Variants in UHRF2 observed in about 807,000 individuals in gnomAD.
The protein encoded by UHRF2 is ubiquitin like with PHD and ring finger domains 2, also known as E3 ubiquitin-protein ligase UHRF2.
UHRF2 carries 23 observed loss-of-function variants against 96.8 expected under a neutral mutation model. The ratio of observed to expected loss-of-function variants is 0.24; its 90% CI spans 0.17 to 0.34. The LOEUF is 0.34. Ranked by LOEUF, UHRF2 falls within the 10% of genes least tolerant of loss-of-function variation. The pLI, the probability that UHRF2 is intolerant of heterozygous loss-of-function variation, is 1.00. For synonymous variants in UHRF2, 385 were observed against 332.6 expected, an observed-to-expected ratio of 1.16 and a Z score of -1.72; for missense variants, 685 against 981.5, an observed-to-expected ratio of 0.70 and a Z score of 4.04.
intron 14 of UHRF2, among the ~76,000 whole-genome samples, chr9:6,501,888 T>G (rs1348346872): frequency 3.3e-5 from 5 of 152,284 alleles, no homozygotes; most frequent in South Asian, 4.1e-4. Context: ...CCACTGTAGG[T>G]GGGAGAGAAG....
intron 14 of UHRF2, 56 bp from the exon 15 acceptor site, chr9:6,504,537 A>T: frequency 1.7e-6 from 2 of 1,168,130 alleles, no homozygotes; most frequent in Non-Finnish European, 2.5e-6. Context: ...GATGAATTTT[A>T]TTAGCATATT....
chr9:6,442,009 A>G (rs1267123268), intron 3 of UHRF2, among the ~76,000 whole-genome samples: 5 of 152,198 alleles, frequency 3.3e-5, no homozygotes, highest in East Asian at 1.9e-4. Context: ...TCTGTTGCCC[A>G]GGCTGGAGTC....
At chr9:6,469,182 G>C (rs1037929741) in intron 4 of UHRF2, among the ~76,000 whole-genome samples, 9 of 152,176 alleles carry the variant, frequency 5.9e-5, no homozygotes, top group African/African-American at 1.4e-4. Context: ...GGAGATTCTA[G>C]AACTGAGAAT....
intron 3 of UHRF2, among the ~76,000 whole-genome samples, chr9:6,448,463 A>T (rs547254203): frequency 1.3e-5 from 2 of 152,358 alleles, no homozygotes; most frequent in East Asian, 3.9e-4. Flanking sequence ...GAGCCAGGTG[A>T]TCAGTTTGAA....
rs180673166 is a variant in UHRF2, at chr9:6,416,874, C to G, written c.153+3231C>G. On this transcript the variant is annotated intron_variant, in intron 1 of 15. Coordinates refer to ENST00000276893, the MANE Select transcript of UHRF2 (RefSeq NM_152896.3). ...CTTTTCCTATTTTAAAGGATTCTCT[C>G]TCGTCATTCTTTCACTCCTTACCAC... 1.1e-3 allele frequency among the ~76,000 whole-genome samples: 164 copies of G among 152,294 alleles called. 2 individuals are homozygous for G. Among genetic ancestry groups the G allele is most frequent in the African/African-American group, 3.5e-3 (145 of 41,568 alleles).
intron 3 of UHRF2, among the ~76,000 whole-genome samples, chr9:6,455,321 A>G (rs184022355): frequency 4.6e-5 from 7 of 152,084 alleles, no homozygotes; most frequent in Admixed American, 4.6e-4. Flanking sequence ...CGGGTGTGCG[A>G]TGTTCCCCTT....
intron 3 of UHRF2, among the ~76,000 whole-genome samples, chr9:6,442,056 C>T (rs1295301979): frequency 6.6e-6 from 1 of 152,114 alleles, no homozygotes; most frequent in South Asian, 2.1e-4. Context: ...ACCTCTGCCT[C>T]CTGGGTTCAA....
intron 3 of UHRF2, among the ~76,000 whole-genome samples, chr9:6,457,002 G>A (rs906573019): frequency 4.6e-5 from 7 of 152,114 alleles, no homozygotes; most frequent in Admixed American, 3.9e-4. Context: ...CTCTTTTTTA[G>A]TTCCATATGA....
At chr9:6,428,998 C>G (rs1024117388) in intron 2 of UHRF2, among the ~76,000 whole-genome samples, 10 of 152,150 alleles carry the variant, frequency 6.6e-5, no homozygotes, top group Non-Finnish European at 1.3e-4. Flanking sequence ...AACCCCATCT[C>G]TGCTAAAAAT....
At chr9:6,430,860 ATTC>A (rs1332015448) in intron 2 of UHRF2, among the ~76,000 whole-genome samples, 1 of 152,092 alleles carries the variant, frequency 6.6e-6, no homozygotes, top group Non-Finnish European at 1.5e-5. Context: ...GGAATGAGTA[ATTC>A]TTCTTTCAGT....
intron 3 of UHRF2, among the ~76,000 whole-genome samples, chr9:6,445,130 T>TA (rs34294660): frequency 0.43 from 48,514 of 114,138 alleles, 11,204 homozygotes; most frequent in African/African-American, 0.61. Flanking sequence ...ATCTCTTATT[T>TA]AAAAAAAAAA....
intron 10 of UHRF2, chr9:6,496,925 T>G (rs1291733203): frequency 1.7e-5 from 5 of 286,376 alleles, no homozygotes; most frequent in Non-Finnish European, 2.6e-5. Context: ...CTAGTTGTTT[T>G]CTATTATACG....
intron 9 of UHRF2, chr9:6,492,431 G>C (rs1222275761): frequency 1.1e-6 from 1 of 892,254 alleles, no homozygotes; most frequent in Non-Finnish European, 1.4e-6. Context: ...CCTTCTCATA[G>C]AATACATACT....
chr9:6,503,321 AT>A (rs1445896805), intron 14 of UHRF2, among the ~76,000 whole-genome samples: 3 of 152,292 alleles, frequency 2.0e-5, no homozygotes, highest in Admixed American at 2.0e-4. Flanking sequence ...AATATAAAAA[AT>A]AAATATGAAA....
intron 3 of UHRF2, chr9:6,449,609 A>G (rs1821731748): frequency 1.3e-5 from 2 of 152,246 alleles, no homozygotes; most frequent in African/African-American, 4.8e-5. Flanking sequence ...TAAAATGGTC[A>G]GCTTATATGG....
At chr9:6,438,208 C>T (rs757200420) in intron 3 of UHRF2, among the ~76,000 whole-genome samples, 2 of 152,128 alleles carry the variant, frequency 1.3e-5, no homozygotes, top group African/African-American at 2.4e-5. Context: ...CCTAAACTTC[C>T]TACCAGTCAA....
intron 4 of UHRF2, among the ~76,000 whole-genome samples, chr9:6,462,051 T>A (rs1228448029): frequency 6.6e-6 from 1 of 151,996 alleles, no homozygotes; most frequent in African/African-American, 2.4e-5. Context: ...CAAGTTCTGA[T>A]TAACTGGATT....
Position 6,460,570 on chromosome 9 carries a change from C to T in UHRF2, c.645-3C>T, listed in dbSNP as rs763262758. ...TAAGCCATATGGTTTTCTCTCTCCT[C>T]AGATACCCAGAAAGCGGTACTCTAG... On this transcript the variant is annotated splice_region_variant and splice_polypyrimidine_tract_variant and intron_variant, in intron 3 of 15. Coordinates refer to ENST00000276893, the MANE Select transcript of UHRF2 (RefSeq NM_152896.3). 1.4e-5 allele frequency: 23 copies of T among 1,595,892 alleles called. No individual in the cohort carries two copies. The South Asian group carries it at 2.6e-4, about 18-fold the overall frequency.
Position 6,460,790 on chromosome 9 carries a change from G to C in UHRF2, c.862G>C (p.Gly288Arg). ...AGAACTTCGTGTGAAAATTTTCCTG[G>C]GGTAAGATTGTCTTCACTGGTGCCA... is the stretch of plus-strand genomic sequence containing the variant. ...KKELRVKIFL[G>R]GSEGTLNDCK... is the part of the protein sequence containing the mutation. Residue 288 changes from glycine to arginine, a missense_variant and splice_region_variant, in exon 4 of 16, where the codon GGG becomes CGG. Coordinates refer to ENST00000276893, the MANE Select transcript of UHRF2 (RefSeq NM_152896.3). 6.2e-7 allele frequency: 1 copy of C among 1,610,196 alleles called. No homozygotes were observed. The highest frequency in any genetic ancestry group is 8.5e-7 in the Non-Finnish European group (1 of 1,178,450).
Sources: allele counts gnomAD v4.1 joint callset (sites outside exome capture counted in the v4.1 genomes callset), GRCh38; gene constraint gnomAD v4.1.1; transcripts MANE v1.5; gene names NCBI Gene and HGNC (gene_info 2026-07-23, HGNC 2026-07-21).